The following PROCR variants were observed in gnomAD, a reference collection of about 807,000 sequenced individuals.
PROCR encodes the protein protein C receptor.
In PROCR, 22 loss-of-function variants were observed where a neutral mutation model predicts 24.2. That is an observed-to-expected ratio of 0.91 (90% CI 0.65 to 1.30). The LOEUF is 1.30. Among genes scored for constraint, PROCR ranks in the 50% most tolerant of loss-of-function variants. The pLI is 0.00. For missense variants in PROCR, 288 were observed against 307.7 expected (o/e 0.94, Z 0.48); for synonymous variants, 137 against 139.2 (o/e 0.98, Z 0.11).
intron 1 of PROCR, among the ~76,000 whole-genome samples, chr20:35,199,244 T>C (rs1478170367): frequency 6.6e-6 from 1 of 152,184 alleles, no homozygotes; most frequent in Non-Finnish European, 1.5e-5. Flanking sequence ...GTTCATAGCA[T>C]GGTTTACTGG....
At chr20:35,204,491 C>G (rs909349559) in intron 1 of PROCR, among the ~76,000 whole-genome samples, 1 of 151,458 alleles carries the variant, frequency 6.6e-6, no homozygotes, top group African/African-American at 2.4e-5. Flanking sequence ...GGCTGGAGTA[C>G]AGTGGTGCAA....
rs548457427 is a variant in PROCR, at chr20:35,185,726, A to T, written c.94+9280A>T. 1.2e-4 allele frequency among the ~76,000 whole-genome samples: 19 copies of T among 152,268 alleles called. No homozygotes were observed. In the South Asian group the frequency reaches 2.7e-3, roughly 22 times the overall value. On this transcript the variant is annotated intron_variant, in intron 1 of 1. Coordinates refer to the PROCR transcript ENST00000634509. ...AAGAATGATACAATGGACTTTGGGGACTTGGGGCAAAGAGTGGGAGGGGGG... is the reference window on the plus strand; with the variant it reads ...AAGAATGATACAATGGACTTTGGGGTCTTGGGGCAAAGAGTGGGAGGGGGG...
chr20:35,193,014 C>T (rs1458071333), intron 1 of PROCR, among the ~76,000 whole-genome samples: 1 of 151,586 alleles, frequency 6.6e-6, no homozygotes, highest in Non-Finnish European at 1.5e-5. Flanking sequence ...CAAAAGAAGC[C>T]AAACACAAAA....
chr20:35,175,154 C>T (rs961071378), intron 2 of PROCR, among the ~76,000 whole-genome samples: 1 of 151,906 alleles, frequency 6.6e-6, no homozygotes, highest in African/African-American at 2.4e-5. Flanking sequence ...AAGAAAGCCC[C>T]GACTCGGGCG....
chr20:35,209,975 C>T (rs1330636535), intron 1 of PROCR, among the ~76,000 whole-genome samples: 1 of 152,154 alleles, frequency 6.6e-6, no homozygotes, highest in Non-Finnish European at 1.5e-5. Context: ...GCCTGTAATC[C>T]AAATGTTTTG....
rs997308084 is a variant in PROCR, at chr20:35,214,483, G to A, written c.95-1410G>A. Among the ~76,000 whole-genome samples, 8 of 152,046 alleles carry A rather than the reference G, an allele frequency of 5.3e-5. No homozygotes were observed. In the East Asian group the frequency reaches 1.2e-3, roughly 22 times the overall value. On this transcript the variant is annotated intron_variant, in intron 1 of 1. Coordinates refer to the PROCR transcript ENST00000634509. ...GGGTGGATCACAAGGTCAGGAGATCGAGACCATCCTGGCTATCACGGTGAA... is the reference window on the plus strand; with the variant it reads ...GGGTGGATCACAAGGTCAGGAGATCAAGACCATCCTGGCTATCACGGTGAA...
At chr20:35,174,994 A>G (rs1184035878) in intron 2 of PROCR, 41 bp downstream of exon 2, 16 of 65,534 alleles carry the variant, frequency 2.4e-4, no homozygotes, top group South Asian at 7.3e-4. Context: ...GGGCGGGGCT[A>G]GTGGGGGCGG....
intron 1 of PROCR, among the ~76,000 whole-genome samples, chr20:35,209,198 AG>A (rs1219046330): frequency 6.6e-5 from 10 of 152,166 alleles, no homozygotes; most frequent in African/African-American, 2.2e-4. Flanking sequence ...TCTTACATGA[AG>A]TAGAATTCAT....
rs372109719 is a variant in PROCR, at chr20:35,176,794, C to T, written c.698C>T (p.Thr233Ile). Residue 233 changes from threonine to isoleucine, a missense_variant, in exon 4 of 4, where the codon ACA (threonine) becomes ATA (isoleucine). Coordinates refer to ENST00000216968, the MANE Select transcript of PROCR (RefSeq NM_006404.5). ...GTGGCTGTAGGCATCTTCCTGTGCA[C>T]AGGTGGACGGCGATGTTAATTACTC... ...AGVAVGIFLC[T>I]GGRRC The T allele has an allele frequency of 3.1e-6, 5 of 1,614,008 alleles. No individual in the cohort carries two copies. Among genetic ancestry groups the T allele is most frequent in the Non-Finnish European group, 4.2e-6 (5 of 1,179,996 alleles).
intron 1 of PROCR, among the ~76,000 whole-genome samples, chr20:35,174,073 A>C (rs776976003): frequency 1.3e-5 from 2 of 152,172 alleles, no homozygotes; most frequent in Non-Finnish European, 2.9e-5. Context: ...TATTGCATTA[A>C]GCCACTGGGG....
intron 1 of PROCR, 64 bp downstream of exon 1, chr20:35,172,288 A>G: frequency 6.4e-7 from 1 of 1,556,758 alleles, no homozygotes; most frequent in Admixed American, 1.7e-5. Flanking sequence ...ATCTGGGCAC[A>G]TGGCAAGACC....
chr20:35,172,120 A>T lies in PROCR; in HGVS notation c.-35A>T. ...GCCAGCGGAGCCCGCAGCCGGCCCG[A>T]GCCAGGAACCCAGGTCCGGAGCCTC... On this transcript the variant is annotated 5_prime_UTR_variant, in exon 1 of 4. Coordinates refer to ENST00000216968, the MANE Select transcript of PROCR (RefSeq NM_006404.5). The T allele has an allele frequency of 6.2e-7, 1 of 1,611,010 alleles. No homozygotes were observed.
intron 1 of PROCR, among the ~76,000 whole-genome samples, chr20:35,192,260 T>C (rs1474192944): frequency 2.6e-5 from 4 of 152,172 alleles, no homozygotes; most frequent in African/African-American, 9.7e-5. Context: ...GAAAGACATA[T>C]ACAAGATTAG....
intron 1 of PROCR, among the ~76,000 whole-genome samples, chr20:35,191,843 G>A (rs991824480): frequency 2.0e-5 from 3 of 152,198 alleles, no homozygotes; most frequent in African/African-American, 7.2e-5. Context: ...GGAGGCTTTC[G>A]AGAAGAGGAC....
Position 35,174,910 on chromosome 20 carries a change from C to G in PROCR, c.279C>G (p.Phe93Leu), listed in dbSNP as rs199638108. 437 of 1,604,796 alleles carry G rather than the reference C, an allele frequency of 2.7e-4. 2 individuals are homozygous for G. The highest frequency in any genetic ancestry group is 9.9e-5 in the Non-Finnish European group (116 of 1,175,742). The change falls in exon 2 of 4, where the codon TTC (phenylalanine) becomes TTG (leucine). Residue 93 changes from phenylalanine to leucine, a missense_variant. Transcript: ENST00000216968. ...QSGLQSYLLQ[F>L]HGLVRLVHQE... is the part of the protein sequence containing the mutation. ...GCCTGCAGTCCTACCTGCTCCAGTTCCACGGCCTCGTGCGCCTGGTGCACC... is the reference window on the plus strand; with the variant it reads ...GCCTGCAGTCCTACCTGCTCCAGTTGCACGGCCTCGTGCGCCTGGTGCACC...
chr20:35,181,167 C>T (rs2086074993), downstream of PROCR, among the ~76,000 whole-genome samples: 1 of 151,898 alleles, frequency 6.6e-6, no homozygotes, highest in Non-Finnish European at 1.5e-5. Flanking sequence ...CACGCCTGGA[C>T]TGTTTTTTAA....
intron 1 of PROCR, among the ~76,000 whole-genome samples, chr20:35,198,219 G>A (rs1036380811): frequency 9.2e-5 from 14 of 151,900 alleles, no homozygotes; most frequent in Admixed American, 9.2e-4. Flanking sequence ...GTGAACCAGG[G>A]AGGTGGAGCT....
chr20:35,205,827 ATC>A (rs1436703024), intron 1 of PROCR, among the ~76,000 whole-genome samples: 2 of 142,530 alleles, frequency 1.4e-5, no homozygotes, highest in Non-Finnish European at 3.0e-5. Flanking sequence ...ATATACATAT[ATC>A]TACATATACA....
chr20:35,207,904 T>C (rs2060348349), intron 1 of PROCR, among the ~76,000 whole-genome samples: 1 of 120,528 alleles, frequency 8.3e-6, no homozygotes, highest in African/African-American at 3.4e-5. Flanking sequence ...TATTATTATT[T>C]GAAACATAAT....
Sources: allele counts gnomAD v4.1 joint callset (sites outside exome capture counted in the v4.1 genomes callset), GRCh38; gene constraint gnomAD v4.1.1; transcripts MANE v1.5; gene names NCBI Gene and HGNC (gene_info 2026-07-23, HGNC 2026-07-21).